TAOK1: variants seen among roughly 807,000 people sequenced by gnomAD.
TAOK1 encodes serine/threonine-protein kinase TAO1.
Under a neutral mutation model 138.3 loss-of-function variants are expected in TAOK1, and 21 were observed. The observed-to-expected ratio is 0.15, with a 90% CI of 0.11 to 0.22. The LOEUF (loss-of-function observed/expected upper bound fraction) is 0.22, where lower values mean the gene tolerates loss of function less well. Ranked by LOEUF, TAOK1 falls within the 10% of genes least tolerant of loss-of-function variation. The pLI, the probability that TAOK1 is intolerant of heterozygous loss-of-function variation, is 1.00. For missense variants in TAOK1, 651 were observed against 1,227.7 expected, an observed-to-expected ratio of 0.53 and a Z score of 7.02; for synonymous variants, 361 against 398.4, an observed-to-expected ratio of 0.91 and a Z score of 1.12.
At chr17:29,514,425 A>G (rs1003634638) in intron 15 of TAOK1, 1 of 152,160 alleles carries the variant, frequency 6.6e-6, no homozygotes, top group South Asian at 2.1e-4. Flanking sequence ...CAGTGGCACA[A>G]TACTGCTCAC....
At chr17:29,491,916 A>C (rs138313690) in intron 10 of TAOK1, 51 bp downstream of exon 10, 23,180 of 1,398,566 alleles carry the variant, frequency 0.017, 272 homozygotes, top group Middle Eastern at 0.056. Flanking sequence ...ACAAGGCCTC[A>C]CTTTGTCACC....
In TAOK1 at chr17:29,546,409, T is replaced by C. The variant is rs1299388702; in HGVS notation, c.*3387T>C. On this transcript the variant is annotated 3_prime_UTR_variant, in exon 20 of 20. Transcript: ENST00000261716. ...CCCCCTTTTCAAAAATTGAAAACTC[T>C]ATGAGTGTCTTTTTGAGACCATAAA... The C allele has an allele frequency of 1.3e-5, 2 of 152,134 alleles. No individual in the cohort carries two copies. The highest frequency in any genetic ancestry group is 4.8e-5 in the African/African-American group (2 of 41,456). The allele number at this position is 152,134 out of a possible 1,614,324, so 9.4% of individuals were successfully genotyped here.
At chr17:29,391,913 T>C (rs1193658558) in intron 1 of TAOK1, among the ~76,000 whole-genome samples, 1 of 152,182 alleles carries the variant, frequency 6.6e-6, no homozygotes, top group Non-Finnish European at 1.5e-5. Flanking sequence ...TCTATGACTT[T>C]TGTAGTTCAT....
chr17:29,470,118 C>T (rs1043188766), intron 3 of TAOK1, among the ~76,000 whole-genome samples: 3 of 152,156 alleles, frequency 2.0e-5, no homozygotes, highest in Non-Finnish European at 4.4e-5. Context: ...TAGTCCTCCT[C>T]TCACACCTCC....
chr17:29,543,082 A>G lies in TAOK1; in HGVS notation c.*60A>G. ...GTCTGCCAAAAGAAACTGCCTACAG[A>G]CATCATCACAGCAGCCTCCTCACTT... is the stretch of plus-strand genomic sequence containing the variant. On this transcript the variant is annotated 3_prime_UTR_variant, in exon 20 of 20. Transcript: ENST00000261716. 7.1e-7 allele frequency: 1 copy of G among 1,408,132 alleles called. No individual in the cohort carries two copies. The highest frequency in any genetic ancestry group is 9.6e-7 in the Non-Finnish European group (1 of 1,044,532). 87.2% of individuals were successfully genotyped at this position (1,408,132 alleles called of 1,614,324 possible).
At chr17:29,499,936 G>A (rs955549960) in intron 12 of TAOK1, among the ~76,000 whole-genome samples, 11 of 152,084 alleles carry the variant, frequency 7.2e-5, no homozygotes, top group Non-Finnish European at 1.3e-4. Context: ...GGTGTTTGCT[G>A]CATTACTCTT....
chr17:29,488,809 G>T (rs948842530), intron 8 of TAOK1, among the ~76,000 whole-genome samples: 2 of 152,016 alleles, frequency 1.3e-5, no homozygotes, highest in African/African-American at 4.8e-5. Context: ...TAAGCAGAAG[G>T]TAGAGGATAA....
intron 1 of TAOK1, among the ~76,000 whole-genome samples, chr17:29,435,609 A>G (rs1244825474): frequency 1.3e-5 from 2 of 152,314 alleles, no homozygotes; most frequent in East Asian, 3.9e-4. Context: ...TACTGACCAC[A>G]GGTCAGGAAC....
At chr17:29,508,874 G>A (rs1345142142) in intron 14 of TAOK1, among the ~76,000 whole-genome samples, 1 of 151,990 alleles carries the variant, frequency 6.6e-6, no homozygotes, top group African/African-American at 2.4e-5. Flanking sequence ...TGTTTTTGGT[G>A]TCCCATTGTT....
Position 29,456,731 on chromosome 17 carries a change from T to C in TAOK1, c.132+5051T>C, listed in dbSNP as rs541657951. ...ATGTTCTCATATAGTTCTATTTCTT[T>C]TTTTGTTTTGTTTTGTTTTTAAAAC... On this transcript the variant is annotated intron_variant, in intron 2 of 19. Transcript: ENST00000261716. Among the ~76,000 whole-genome samples the C allele has an allele frequency of 3.3e-5, 5 of 150,636 alleles. No individual in the cohort carries two copies. In the South Asian group the frequency reaches 1.0e-3, roughly 31 times the overall value.
At chr17:29,408,021 C>A (rs1248941557) in intron 1 of TAOK1, among the ~76,000 whole-genome samples, 1 of 152,024 alleles carries the variant, frequency 6.6e-6, no homozygotes, top group Non-Finnish European at 1.5e-5. Context: ...TGCTGCCATT[C>A]ATTCCTGACC....
intron 4 of TAOK1, 136 bp from the exon 5 acceptor site, chr17:29,477,525 T>C (rs934347859): frequency 9.7e-6 from 3 of 310,704 alleles, no homozygotes; most frequent in Middle Eastern, 1.3e-3. Flanking sequence ...ATATAACTAT[T>C]TTTTTAAGGT....
rs1428650801 is a variant in TAOK1, at chr17:29,550,481, CCCCTTGTTTTAGTATATGAAAAAG to C, written c.*7462_*7485del. ...CTATGAGCAATTTCGCTTTCAGAAC[CCCCTTGTTTTAGTATATGAAAAAG>C]CCTAATGCGCATTAATGAGGTTGAA... On this transcript the variant is annotated 3_prime_UTR_variant, in exon 20 of 20. Coordinates refer to ENST00000261716, the MANE Select transcript of TAOK1 (RefSeq NM_020791.4). 6.6e-6 allele frequency: 1 copy of C among 151,942 alleles called. No homozygotes were observed. Among genetic ancestry groups the C allele is most frequent in the African/African-American group, 2.4e-5 (1 of 41,370 alleles). 9.4% of individuals were successfully genotyped at this position (151,942 alleles called of 1,614,324 possible).
chr17:29,478,846 C>T (rs1033679061), intron 6 of TAOK1, among the ~76,000 whole-genome samples: 1 of 152,044 alleles, frequency 6.6e-6, no homozygotes, highest in Non-Finnish European at 1.5e-5. Context: ...TAAGGCCAGG[C>T]GAGGTGGCTC....
intron 12 of TAOK1, among the ~76,000 whole-genome samples, chr17:29,499,286 A>G: frequency 7.1e-6 from 1 of 140,830 alleles, no homozygotes; most frequent in Non-Finnish European, 1.5e-5. Context: ...GCTGGAGTGC[A>G]GTGGCCACAA....
chr17:29,436,346 A>G (rs1480076007), intron 1 of TAOK1, among the ~76,000 whole-genome samples: 8 of 152,312 alleles, frequency 5.3e-5, no homozygotes, highest in South Asian at 2.1e-4. Flanking sequence ...AGGATCAGCA[A>G]TATTCCAGCC....
At chr17:29,524,259 C>G (rs2031968095) in intron 17 of TAOK1, among the ~76,000 whole-genome samples, 1 of 151,886 alleles carries the variant, frequency 6.6e-6, no homozygotes, top group Non-Finnish European at 1.5e-5. Flanking sequence ...AATAGACAAT[C>G]TCCCATGAAC....
chr17:29,498,946 A>G (rs1232988472), intron 12 of TAOK1, among the ~76,000 whole-genome samples: 1 of 151,980 alleles, frequency 6.6e-6, no homozygotes, highest in African/African-American at 2.4e-5. Flanking sequence ...AAAGTTTGGA[A>G]CATTTTTTAA....
chr17:29,413,199 AG>A (rs1245416794), intron 1 of TAOK1, among the ~76,000 whole-genome samples: 1 of 152,196 alleles, frequency 6.6e-6, no homozygotes, highest in Non-Finnish European at 1.5e-5. Context: ...CCTTATAAAA[AG>A]GGAAATAAGA....
Sources: gnomAD v4.1 joint callset for allele counts (sites outside exome capture counted in the v4.1 genomes callset) on GRCh38, gnomAD v4.1.1 for gene constraint, MANE v1.5 for transcripts, NCBI Gene and HGNC (gene_info 2026-07-23, HGNC 2026-07-21) for gene names.